Variants in ADGRL1 observed in about 807,000 individuals in gnomAD.
ADGRL1 encodes CIRL-1.
A neutral mutation model predicts 148.9 loss-of-function variants in ADGRL1; 31 were observed. The observed-to-expected ratio is 0.21, with a 90% CI of 0.16 to 0.28. ADGRL1 has a LOEUF of 0.28. ADGRL1 is among the 10% of genes least tolerant of loss of function. The pLI is 1.00. For missense variants in ADGRL1, 1,521 were observed against 2,058.8 expected (o/e 0.74, Z 5.05); for synonymous variants, 937 against 900.3 (o/e 1.04, Z -0.73).
At chr19:14,192,009 A>T (rs1284274610) in intron 1 of ADGRL1, among the ~76,000 whole-genome samples, 2 of 151,560 alleles carry the variant, frequency 1.3e-5, no homozygotes, top group South Asian at 2.1e-4. Context: ...CTCTCTTCTT[A>T]TTGGGATACC....
At chr19:14,170,011 AG>A (rs2144863113) in intron 4 of ADGRL1, 1 of 152,348 alleles carries the variant, frequency 6.6e-6, no homozygotes, top group Admixed American at 6.5e-5. Flanking sequence ...CTTTGCAGAC[AG>A]GAAGTGCCAC....
In ADGRL1 at chr19:14,159,310, A is replaced by G; in HGVS notation, c.2023+91T>C. ...GAACGAGACTCTGGCAAGATGCCCAAGGGTCGGATAGCCCCCCTGTGGCCT... is the reference window on the plus strand; with the variant it reads ...GAACGAGACTCTGGCAAGATGCCCAGGGGTCGGATAGCCCCCCTGTGGCCT... On this transcript the variant is annotated intron_variant, in intron 10 of 22. Coordinates refer to ENST00000361434, the MANE Select transcript of ADGRL1 (RefSeq NM_014921.5). The surrounding 1 kb of genome is among the most constrained non-coding windows in gnomAD (Gnocchi z 6.0). The G allele has an allele frequency of 6.4e-7, 1 of 1,574,214 alleles. No individual in the cohort carries two copies. Among genetic ancestry groups the G allele is most frequent in the Non-Finnish European group, 8.6e-7 (1 of 1,156,120 alleles).
In ADGRL1 at chr19:14,152,296, C is replaced by T. The variant is rs374331755; in HGVS notation, c.3649+13G>A. ...CCATTTCCCAACCTGGGATGTTTCC[C>T]CCGTGCTCTCACCTGGGGAGTTGAA... On this transcript the variant is annotated intron_variant, in intron 21 of 22. Coordinates refer to ENST00000361434, the MANE Select transcript of ADGRL1 (RefSeq NM_014921.5). The surrounding 1 kb of genome is among the most constrained non-coding windows in gnomAD (Gnocchi z 6.1). 5 of 1,602,526 alleles carry T rather than the reference C, an allele frequency of 3.1e-6. No homozygotes were observed. The highest frequency in any genetic ancestry group is 2.7e-5 in the African/African-American group (2 of 74,820).
Position 14,156,916 on chromosome 19 carries a change from G to A in ADGRL1, c.2966+9C>T. 6.2e-7 allele frequency: 1 copy of A among 1,607,854 alleles called. No individual in the cohort carries two copies. Among genetic ancestry groups the A allele is most frequent in the Non-Finnish European group, 8.5e-7 (1 of 1,179,252 alleles). Reference sequence around the variant, plus strand: ...TGGGAGGGTGCAGGGCTGGGAGGTGGAAACTCACGCCTTCTCGGTGCCGTA... The same window carrying A: ...TGGGAGGGTGCAGGGCTGGGAGGTGAAAACTCACGCCTTCTCGGTGCCGTA... On this transcript the variant is annotated intron_variant, in intron 15 of 22. Transcript: ENST00000361434.
At chr19:14,165,504 G>C (rs1488551736) in intron 4 of ADGRL1, among the ~76,000 whole-genome samples, 2 of 152,140 alleles carry the variant, frequency 1.3e-5, no homozygotes, top group East Asian at 1.9e-4. Context: ...GGAAGGGTCT[G>C]TCTGGGGCCT....
chr19:14,187,979 C>T (rs1034390689), intron 1 of ADGRL1, among the ~76,000 whole-genome samples: 4 of 151,990 alleles, frequency 2.6e-5, no homozygotes, highest in African/African-American at 9.7e-5. Context: ...CCTGTGATCC[C>T]AGTGCTTTGG....
In ADGRL1 at chr19:14,160,395, C is replaced by T; in HGVS notation, c.1615-98G>A. ...GGCCTGTGCAGCCTCTCCTATCTCT[C>T]TCTCCACTTCCCCATCGCCATCTGC... On this transcript the variant is annotated intron_variant, in intron 7 of 22. Coordinates refer to ENST00000361434, the MANE Select transcript of ADGRL1 (RefSeq NM_014921.5). The surrounding 1 kb of genome is among the most constrained non-coding windows in gnomAD (Gnocchi z 5.9). The T allele has an allele frequency of 3.4e-6, 4 of 1,172,124 alleles. No individual in the cohort carries two copies. In the South Asian group the frequency reaches 6.0e-5, roughly 18 times the overall value. 72.6% of individuals were successfully genotyped at this position (1,172,124 alleles called of 1,614,324 possible).
At position 14,162,418 on chromosome 19, in the gene ADGRL1, C is replaced by A. The variant is rs1357094385; in HGVS notation, c.1195+188G>T. Among the ~76,000 whole-genome samples the A allele has an allele frequency of 6.6e-6, 1 of 152,182 alleles. No individual in the cohort carries two copies. The highest frequency in any genetic ancestry group is 1.5e-5 in the Non-Finnish European group (1 of 68,044). On this transcript the variant is annotated intron_variant, in intron 5 of 22. Transcript: ENST00000361434. The surrounding 1 kb of genome is among the most constrained non-coding windows in gnomAD (Gnocchi z 5.4). ...GCAGTAAGGATCCCTGTGTCATAGA[C>A]CGTGAGGAGACGAGTTAATGACTGT...
At chr19:14,185,897 T>C (rs1406265660) in intron 1 of ADGRL1, among the ~76,000 whole-genome samples, 1 of 152,176 alleles carries the variant, frequency 6.6e-6, no homozygotes, top group Non-Finnish European at 1.5e-5. Flanking sequence ...TTGCACCTGT[T>C]GCTTCCTCCA....
chr19:14,193,096 T>A (rs1326122799), intron 1 of ADGRL1, among the ~76,000 whole-genome samples: 1 of 150,880 alleles, frequency 6.6e-6, no homozygotes, highest in Non-Finnish European at 1.5e-5. Context: ...ACAGACAGAG[T>A]TCCCCAGGAG....
rs749204729 is a variant in ADGRL1 at position 14,163,054 on chromosome 19, G to A, written c.747C>T (p.Tyr249=). ...SGETVINTAN[Y]HDTSPYRWGG... ...CCCAGCGGTAGGGCGAGGTGTCATG[G>A]TAGTTGGCGGTATTGATGACCGTCT... Residue 249 remains tyrosine (Y), a synonymous_variant, in exon 5 of 23, where the codon TAC becomes TAT. Transcript: ENST00000361434. The A allele has an allele frequency of 1.2e-6, 2 of 1,614,176 alleles. No individual in the cohort carries two copies. The highest frequency in any genetic ancestry group is 1.3e-5 in the African/African-American group (1 of 75,080).
intron 1 of ADGRL1, among the ~76,000 whole-genome samples, chr19:14,190,614 TC>T (rs1407248735): frequency 6.6e-6 from 1 of 152,040 alleles, no homozygotes; most frequent in Admixed American, 6.6e-5. Context: ...TTGACCTACA[TC>T]CCCCGCCTTC....
At position 14,177,632 on chromosome 19, in the gene ADGRL1, G is replaced by C; in HGVS notation, c.183C>G (p.Ala61=). ...TCTTGTCGTCCGTGCGCCCGTAGTT[G>C]GCATTCTCCACCATGATGACGTCGC... ...PGSDVIMVEN[A]NYGRTDDKIC... Residue 61 remains alanine, a synonymous_variant, in exon 3 of 23, where the codon GCC becomes GCG. Coordinates refer to ENST00000361434, the MANE Select transcript of ADGRL1 (RefSeq NM_014921.5). 1 of 1,614,208 alleles carries C rather than the reference G, an allele frequency of 6.2e-7. No homozygotes were observed. The highest frequency in any genetic ancestry group is 1.1e-5 in the South Asian group (1 of 91,088).
At position 14,175,375 on chromosome 19, in the gene ADGRL1, C is replaced by A. The variant is rs573738168; in HGVS notation, c.284+2156G>T. ...CACAGTTAAATACACAAAGACACAG[C>A]CACACCCACCCACCCCCACACACGT... is the stretch of plus-strand genomic sequence containing the variant. On this transcript the variant is annotated intron_variant, in intron 3 of 22. Coordinates refer to ENST00000361434, the MANE Select transcript of ADGRL1 (RefSeq NM_014921.5). 1.1e-4 allele frequency among the ~76,000 whole-genome samples: 17 copies of A among 151,494 alleles called. No individual in the cohort carries two copies. In the South Asian group the frequency reaches 3.1e-3, roughly 28 times the overall value.
rs1599410386 is a variant in ADGRL1 at position 14,160,056 on chromosome 19, G to C, written c.1800+56C>G. ...AGGTACCAGGTCAGGTACTTCCCAAGCCCCTGGGGGCAGGCGCCCTCCCCA... is the reference window on the plus strand; with the variant it reads ...AGGTACCAGGTCAGGTACTTCCCAACCCCCTGGGGGCAGGCGCCCTCCCCA... On this transcript the variant is annotated intron_variant, in intron 8 of 22. Transcript: ENST00000361434. The surrounding 1 kb of genome is among the most constrained non-coding windows in gnomAD (Gnocchi z 5.9). 2.0e-6 allele frequency: 3 copies of C among 1,513,134 alleles called. No homozygotes were observed. Among genetic ancestry groups the C allele is most frequent in the Middle Eastern group, 3.8e-4 (2 of 5,228 alleles). 93.7% of individuals were successfully genotyped at this position (1,513,134 alleles called of 1,614,324 possible).
In ADGRL1 at chr19:14,161,987, T is replaced by G. The variant is rs868153382; in HGVS notation, c.1196-361A>C. 4.1e-4 allele frequency among the ~76,000 whole-genome samples: 62 copies of G among 152,158 alleles called. No individual in the cohort carries two copies. The highest frequency in any genetic ancestry group is 1.3e-3 in the African/African-American group (56 of 41,510). Reference sequence around the variant, plus strand: ...AATCCAGGTCAGCCCCGCCACCAGGTGGGGGCTGAATACCACCGCCCCCCA... The same window carrying G: ...AATCCAGGTCAGCCCCGCCACCAGGGGGGGGCTGAATACCACCGCCCCCCA... On this transcript the variant is annotated intron_variant, in intron 5 of 22. Coordinates refer to ENST00000361434, the MANE Select transcript of ADGRL1 (RefSeq NM_014921.5). This position sits in a 1 kb window ranked among gnomAD's most constrained non-coding sequence, Gnocchi z 4.4.
At chr19:14,194,845 TA>T (rs1228550902) in intron 1 of ADGRL1, among the ~76,000 whole-genome samples, 2 of 151,872 alleles carry the variant, frequency 1.3e-5, no homozygotes, top group African/African-American at 4.8e-5. Flanking sequence ...CTGGTCACCT[TA>T]TTTGTCTTTC....
At chr19:14,163,465 G>GGAGAGGGAGGAGAGAGAGA (rs1555785180) in intron 4 of ADGRL1, 59 bp from the exon 5 acceptor site, 4 of 702,342 alleles carry the variant, frequency 5.7e-6, no homozygotes, top group African/African-American at 4.7e-5. Flanking sequence ...GCGAGAGGGA[G>GGAGAGGGAGGAGAGAGAGA]GAGAGAGAGA....
rs1969554786 is a variant in ADGRL1, at chr19:14,162,970, G to A, written c.831C>T (p.Ala277=). Residue 277 remains alanine, a synonymous_variant, in exon 5 of 23, where the codon GCC becomes GCT. Transcript: ENST00000361434. The surrounding 1 kb of genome is among the most constrained non-coding windows in gnomAD (Gnocchi z 5.4). ...CCAGCCGCCCGTTGTTGCCCTCAGT[G>A]GCGTAGATGACCCACAGCCCGTTCT... is the stretch of plus-strand genomic sequence containing the variant. ...VDENGLWVIY[A]TEGNNGRLVV... The A allele has an allele frequency of 2.5e-6, 4 of 1,613,898 alleles. No homozygotes were observed. In the African/African-American group the frequency reaches 4.0e-5, roughly 16 times the overall value.
Sources: gnomAD v4.1 joint callset for allele counts (sites outside exome capture counted in the v4.1 genomes callset) on GRCh38, gnomAD v4.1.1 for gene constraint, Gnocchi (gnomAD v3.1) non-coding constraint, MANE v1.5 for transcripts, NCBI Gene and HGNC (gene_info 2026-07-23, HGNC 2026-07-21) for gene names.